Variants in PTPRE observed in about 807,000 individuals in gnomAD.
The protein encoded by PTPRE is receptor-type tyrosine-protein phosphatase epsilon.
A neutral mutation model predicts 102.0 loss-of-function variants in PTPRE; 51 were observed. The ratio of observed to expected loss-of-function variants is 0.50; its 90% CI spans 0.40 to 0.63. PTPRE has a LOEUF of 0.63. PTPRE is among the 30% of genes least tolerant of loss of function. The pLI, the probability that PTPRE is intolerant of heterozygous loss-of-function variation, is 0.00. For missense variants in PTPRE, 752 were observed against 915.1 expected, an observed-to-expected ratio of 0.82 and a Z score of 2.30; for synonymous variants, 345 against 348.2, an observed-to-expected ratio of 0.99 and a Z score of 0.10.
At chr10:128,036,923 C>T (rs371998909) in intron 2 of PTPRE, among the ~76,000 whole-genome samples, 47 of 152,316 alleles carry the variant, frequency 3.1e-4, no homozygotes, top group African/African-American at 1.1e-3. Context: ...ACTCTCCGGC[C>T]GCAAAGGCTA....
intron 2 of PTPRE, among the ~76,000 whole-genome samples, chr10:127,987,976 G>A (rs1852243629): frequency 6.6e-6 from 1 of 152,242 alleles, no homozygotes; most frequent in Admixed American, 6.5e-5. Flanking sequence ...TTTCCTGCCT[G>A]TGCAGTTCAT....
rs41282870 is a variant in PTPRE at position 128,070,983 on chromosome 10, G to A, written c.1387+82G>A. Reference sequence around the variant, plus strand: ...TTTCATCCTGGAGAAGCCATTGACCGCTTACCCCTGTGCACCAGGGTCAAA... The same window carrying A: ...TTTCATCCTGGAGAAGCCATTGACCACTTACCCCTGTGCACCAGGGTCAAA... On this transcript the variant is annotated intron_variant, in intron 15 of 20. Transcript: ENST00000254667. The surrounding 1 kb of genome is among the most constrained non-coding windows in gnomAD (Gnocchi z 4.8). 55,420 of 1,376,444 alleles carry A rather than the reference G, an allele frequency of 0.04. 1,253 individuals carry two copies. The highest frequency in any genetic ancestry group is 0.047 in the Non-Finnish European group (46,312 of 979,746). 85.3% of individuals were successfully genotyped at this position (1,376,444 alleles called of 1,614,324 possible).
At chr10:128,037,818 G>A (rs910923359) in intron 2 of PTPRE, among the ~76,000 whole-genome samples, 1 of 152,084 alleles carries the variant, frequency 6.6e-6, no homozygotes, top group Non-Finnish European at 1.5e-5. Context: ...TTTTATATGA[G>A]TCTCGCTCTA....
chr10:128,025,343 G>A (rs1189719065), intron 2 of PTPRE, among the ~76,000 whole-genome samples: 1 of 152,178 alleles, frequency 6.6e-6, no homozygotes, highest in African/African-American at 2.4e-5. Flanking sequence ...CACGGCTTCA[G>A]CTTCTCTGTC....
Position 127,996,358 on chromosome 10 carries a change from G to A in PTPRE, c.-8+14062G>A, listed in dbSNP as rs148211620. On this transcript the variant is annotated intron_variant, in intron 2 of 20. Coordinates refer to ENST00000254667, the MANE Select transcript of PTPRE (RefSeq NM_006504.6). ...ACCATAGAAATAAACACCTAAGAGA[G>A]GGTTTGGGACGTGAGTGGTTGCGTG... is the stretch of plus-strand genomic sequence containing the variant. Among the ~76,000 whole-genome samples, 579 of 152,356 alleles carry A rather than the reference G, an allele frequency of 3.8e-3. 6 individuals are homozygous for A. Among genetic ancestry groups the A allele is most frequent in the African/African-American group, 0.013 (552 of 41,578 alleles).
At chr10:128,027,733 G>A (rs938456392) in intron 2 of PTPRE, among the ~76,000 whole-genome samples, 4 of 152,334 alleles carry the variant, frequency 2.6e-5, no homozygotes, top group East Asian at 3.9e-4. Context: ...TGAAGAGCCC[G>A]AAAAAGCAGG....
At chr10:127,966,586 AT>A (rs774805735) in intron 1 of PTPRE, among the ~76,000 whole-genome samples, 1 of 152,066 alleles carries the variant, frequency 6.6e-6, no homozygotes, top group Non-Finnish European at 1.5e-5. Context: ...GGGATGGGGG[AT>A]TTTAGTTTTA....
intron 2 of PTPRE, among the ~76,000 whole-genome samples, chr10:128,032,245 A>G (rs142390906): frequency 0.011 from 1,722 of 152,234 alleles, 20 homozygotes; most frequent in Middle Eastern, 0.031. Context: ...TGAACTCTTG[A>G]CCTCAGGTGA....
At chr10:127,989,723 C>A (rs1336754267) in intron 2 of PTPRE, among the ~76,000 whole-genome samples, 1 of 152,226 alleles carries the variant, frequency 6.6e-6, no homozygotes. Context: ...AGAACATTAA[C>A]AAATAAGAAC....
At chr10:128,044,520 A>G (rs1847938469) in intron 3 of PTPRE, among the ~76,000 whole-genome samples, 1 of 152,234 alleles carries the variant, frequency 6.6e-6, no homozygotes, top group South Asian at 2.1e-4. Context: ...ATTCAAGCCT[A>G]AGGTTTTCAA....
chr10:128,050,681 C>T (rs1300321892), intron 6 of PTPRE, among the ~76,000 whole-genome samples: 3 of 152,200 alleles, frequency 2.0e-5, no homozygotes, highest in South Asian at 4.1e-4. Context: ...ATGCCTGTTG[C>T]GTGCTGGCCC....
intron 2 of PTPRE, among the ~76,000 whole-genome samples, chr10:127,993,311 G>C (rs1280513549): frequency 3.9e-5 from 6 of 152,216 alleles, no homozygotes; most frequent in Non-Finnish European, 5.9e-5. Context: ...ATCAGAGAGT[G>C]CATGTTTTCT....
chr10:128,075,552 T>C (rs1203117642), intron 17 of PTPRE, among the ~76,000 whole-genome samples: 1 of 152,004 alleles, frequency 6.6e-6, no homozygotes, highest in East Asian at 1.9e-4. Context: ...AGGACTAAGA[T>C]GTATCAAAGA....
chr10:127,916,904 C>T (rs1304590431), intron 1 of PTPRE, among the ~76,000 whole-genome samples: 1 of 152,088 alleles, frequency 6.6e-6, no homozygotes. Flanking sequence ...GCAAGTCTTT[C>T]CTAACACCCC....
chr10:128,052,897 G>A (rs917932827), intron 6 of PTPRE, among the ~76,000 whole-genome samples: 1 of 152,160 alleles, frequency 6.6e-6, no homozygotes, highest in African/African-American at 2.4e-5. Context: ...CTCTCCTGCT[G>A]CCTGCCCGAC....
chr10:128,051,201 T>C (rs1353085013), intron 6 of PTPRE, among the ~76,000 whole-genome samples: 1 of 152,192 alleles, frequency 6.6e-6, no homozygotes, highest in Non-Finnish European at 1.5e-5. Flanking sequence ...CTGGGCTTGC[T>C]GATGGGGGTG....
rs1849742953 is a variant in PTPRE, at chr10:128,062,984, A to T, written c.626-99A>T. 1.9e-6 allele frequency: 3 copies of T among 1,548,970 alleles called. No individual in the cohort carries two copies. The Admixed American group carries it at 5.8e-5, about 30-fold the overall frequency. On this transcript the variant is annotated intron_variant, in intron 9 of 20. Transcript: ENST00000254667. Reference sequence around the variant, plus strand: ...CCCCAACAAGCCTGAGAAGGGAGTGAACAGCTGTCCAGGGGCCAACGGCCA... The same window carrying T: ...CCCCAACAAGCCTGAGAAGGGAGTGTACAGCTGTCCAGGGGCCAACGGCCA...
intron 1 of PTPRE, among the ~76,000 whole-genome samples, chr10:127,924,070 T>G (rs1846824086): frequency 6.6e-6 from 1 of 152,218 alleles, no homozygotes. Context: ...AAGATGTCTC[T>G]GGGAAACTGA....
chr10:127,919,261 A>G (rs1227562679), intron 1 of PTPRE, among the ~76,000 whole-genome samples: 1 of 152,258 alleles, frequency 6.6e-6, no homozygotes, highest in African/African-American at 2.4e-5. Context: ...AGGTTTGAAT[A>G]TAACTAGAAA....
Sources: allele counts gnomAD v4.1 joint callset (sites outside exome capture counted in the v4.1 genomes callset), GRCh38; gene constraint gnomAD v4.1.1; non-coding constraint Gnocchi (gnomAD v3.1); transcripts MANE v1.5; gene names NCBI Gene and HGNC (gene_info 2026-07-23, HGNC 2026-07-21).